GTF3C1: variants seen among roughly 807,000 people sequenced by gnomAD.
GTF3C1 encodes the protein general transcription factor 3C polypeptide 1.
Under a neutral mutation model 226.7 loss-of-function variants are expected in GTF3C1, and 57 were observed. That is an observed-to-expected ratio of 0.25 (90% CI 0.20 to 0.31). GTF3C1 has a LOEUF of 0.31. GTF3C1 is among the 10% of genes least tolerant of loss of function. The pLI, the probability that GTF3C1 is intolerant of heterozygous loss-of-function variation, is 1.00. For synonymous variants in GTF3C1, 1,090 were observed against 1,084.8 expected (o/e 1.00, Z -0.09); for missense variants, 2,217 against 2,776.1 (o/e 0.80, Z 4.53).
Position 27,497,760 on chromosome 16 carries a change from C to T in GTF3C1, c.2227G>A (p.Glu743Lys). Reference protein sequence around the residue: ...GEAEEDSQGKEGPSGSGDSQL... With the variant: ...GEAEEDSQGKKGPSGSGDSQL... ...GAGTCCCCTGATCCACTTGGGCCCT[C>T]TTTTCCTTGACTGTCTTCTTCTGCC... Residue 743 changes from glutamate to lysine, a missense_variant, in exon 14 of 37, where the codon GAG becomes AAG. By Grantham distance (56) the Glu-to-Lys change is moderately conservative. This residue lies in a region of GTF3C1 where 100 missense variants were observed against 139.9 expected (regional missense o/e 0.71). Coordinates refer to ENST00000356183, the MANE Select transcript of GTF3C1 (RefSeq NM_001520.4). The T allele has an allele frequency of 6.2e-7, 1 of 1,614,142 alleles. No individual in the cohort carries two copies. Among genetic ancestry groups the T allele is most frequent in the Non-Finnish European group, 8.5e-7 (1 of 1,179,976 alleles).
intron 2 of GTF3C1, among the ~76,000 whole-genome samples, chr16:27,543,516 A>T (rs1438468683): frequency 6.6e-6 from 1 of 152,186 alleles, no homozygotes; most frequent in Non-Finnish European, 1.5e-5. Context: ...GCAGTCTCCC[A>T]AGTAGCTGGT....
Position 27,469,489 on chromosome 16 carries a change from C to T in GTF3C1, c.4876G>A (p.Val1626Ile). The change falls in exon 32 of 37, where the codon GTA (valine) becomes ATA (isoleucine). Residue 1626 changes from valine to isoleucine, a missense_variant. Val to Ile is a conservative substitution (Grantham distance 29). Around this residue, in one of 12 missense-constraint regions of GTF3C1, gnomAD observed 546 missense variants for 663.0 expected, o/e 0.82. Coordinates refer to ENST00000356183, the MANE Select transcript of GTF3C1 (RefSeq NM_001520.4). The surrounding 1 kb of genome is among the most constrained non-coding windows in gnomAD (Gnocchi z 4.5). The part of the protein sequence containing the change: ...EDEEDDLDEG[V>I]GGKRRSMEVK... ...TCCATGCTCCGGCGCTTGCCCCCTACACCTTCGTCCAAGTCATCCTCTTCA... is the reference window on the plus strand; with the variant it reads ...TCCATGCTCCGGCGCTTGCCCCCTATACCTTCGTCCAAGTCATCCTCTTCA... The T allele has an allele frequency of 6.2e-7, 1 of 1,614,194 alleles. No homozygotes were observed. The highest frequency in any genetic ancestry group is 8.5e-7 in the Non-Finnish European group (1 of 1,180,008).
intron 20 of GTF3C1, 90 bp from the exon 21 acceptor site, chr16:27,489,268 T>A (rs113968158): frequency 7.0e-7 from 1 of 1,437,206 alleles, no homozygotes; most frequent in East Asian, 2.3e-5. Context: ...CATTTATTTA[T>A]AACCAACTTT....
intron 6 of GTF3C1, among the ~76,000 whole-genome samples, chr16:27,521,134 G>A (rs1408138773): frequency 1.3e-5 from 2 of 152,238 alleles, no homozygotes; most frequent in Admixed American, 1.3e-4. Flanking sequence ...TATTTAAGGA[G>A]GCCACATCCG....
chr16:27,523,701 G>T (rs930825438), intron 6 of GTF3C1, among the ~76,000 whole-genome samples: 1 of 152,104 alleles, frequency 6.6e-6, no homozygotes, highest in African/African-American at 2.4e-5. Flanking sequence ...TAAAGCGTGT[G>T]GTCACCACCC....
At chr16:27,548,797 G>C (rs999485911) in intron 1 of GTF3C1, among the ~76,000 whole-genome samples, 2 of 152,114 alleles carry the variant, frequency 1.3e-5, no homozygotes, top group Non-Finnish European at 2.9e-5. Context: ...CCTGTTTAAC[G>C]GAGTTTAATC....
At chr16:27,493,143 G>C (rs941069117) in intron 17 of GTF3C1, 56 bp downstream of exon 17, 5 of 910,046 alleles carry the variant, frequency 5.5e-6, no homozygotes, top group Non-Finnish European at 9.3e-6. Context: ...TTAGAGCCCT[G>C]ACTTAAGGGT....
chr16:27,469,164 T>C lies in GTF3C1; in HGVS notation c.5074+127A>G, dbSNP rs1196119498. On this transcript the variant is annotated intron_variant, in intron 32 of 36. Transcript: ENST00000356183. The surrounding 1 kb of genome is among the most constrained non-coding windows in gnomAD (Gnocchi z 4.5). ...TGGCTGCAAGGATGGGGTGTGTTTTTCTGTGTGTTCTGTGGCTGCACGCCT... is the reference window on the plus strand; with the variant it reads ...TGGCTGCAAGGATGGGGTGTGTTTTCCTGTGTGTTCTGTGGCTGCACGCCT... 11 of 964,450 alleles carry C rather than the reference T, an allele frequency of 1.1e-5. No individual in the cohort carries two copies. The highest frequency in any genetic ancestry group is 1.7e-5 in the Non-Finnish European group (11 of 666,240). The allele number at this position is 964,450 out of a possible 1,614,324, so 59.7% of individuals were successfully genotyped here. A position where few individuals can be genotyped will look rare whatever the true frequency, so the allele number is the denominator to read the frequency against.
intron 14 of GTF3C1, among the ~76,000 whole-genome samples, chr16:27,496,187 G>A (rs2088314030): frequency 6.6e-6 from 1 of 152,146 alleles, no homozygotes; most frequent in Non-Finnish European, 1.5e-5. Context: ...ATGGCTGGAA[G>A]CTTCCTGAGG....
At chr16:27,543,106 C>A (rs1161079894) in intron 2 of GTF3C1, among the ~76,000 whole-genome samples, 1 of 152,162 alleles carries the variant, frequency 6.6e-6, no homozygotes, top group Admixed American at 6.5e-5. Flanking sequence ...TCTTTCTTGA[C>A]CAGGCATGGT....
rs919662638 is a variant in GTF3C1, at chr16:27,506,000, T to C, written c.1669A>G (p.Ser557Gly). Residue 557 changes from serine (S) to glycine (G), a missense_variant, in exon 10 of 37, where the codon AGC (serine) becomes GGC (glycine). By Grantham distance (56) the Ser-to-Gly change is moderately conservative. Coordinates refer to ENST00000356183, the MANE Select transcript of GTF3C1 (RefSeq NM_001520.4). ...LASRDSLLDTSSVSEPNVSFV... is the reference protein window; with the variant it reads ...LASRDSLLDTGSVSEPNVSFV... Reference sequence around the variant, plus strand: ...GACACGTTGGGTTCTGAGACGCTGCTGGTATCTAAGAGGCTGTCCCTGCTG... The same window carrying C: ...GACACGTTGGGTTCTGAGACGCTGCCGGTATCTAAGAGGCTGTCCCTGCTG... 1 of 1,613,010 alleles carries C rather than the reference T, an allele frequency of 6.2e-7. No individual in the cohort carries two copies. Among genetic ancestry groups the C allele is most frequent in the African/African-American group, 1.3e-5 (1 of 74,914 alleles).
Position 27,528,672 on chromosome 16 carries a change from G to C in GTF3C1, c.899C>G (p.Ala300Gly). 6.2e-7 allele frequency: 1 copy of C among 1,612,846 alleles called. No homozygotes were observed. Among genetic ancestry groups the C allele is most frequent in the Non-Finnish European group, 8.5e-7 (1 of 1,178,816 alleles). The change falls in exon 6 of 37, where the codon GCC becomes GGC. Residue 300 changes from alanine to glycine, a missense_variant. Physicochemically the swap from Ala to Gly is moderately conservative, Grantham distance 60. This residue lies in a region of GTF3C1 where 163 missense variants were observed against 234.3 expected (regional missense o/e 0.70). Transcript: ENST00000356183. ...FKRLYQYMLN[A>G]GLAKVVSLRL... is the part of the protein sequence containing the mutation. ...AAGAGACACCACCTTGGCTAGCCCG[G>C]CGTTCAGCATATACTGGTACAGACG...
intron 6 of GTF3C1, among the ~76,000 whole-genome samples, chr16:27,526,498 A>G (rs1170668203): frequency 6.6e-6 from 1 of 152,250 alleles, no homozygotes; most frequent in Non-Finnish European, 1.5e-5. Flanking sequence ...CTTCTCACAC[A>G]GACCATTAAC....
intron 2 of GTF3C1, among the ~76,000 whole-genome samples, 174 bp from the exon 3 acceptor site, chr16:27,538,530 C>CAAT (rs750878679): frequency 1.6e-4 from 25 of 152,244 alleles, no homozygotes; most frequent in Non-Finnish European, 1.5e-4. Context: ...CTAAAAAAGA[C>CAAT]AATAATAATA....
chr16:27,476,326 G>A (rs2087949492), intron 29 of GTF3C1, 125 bp downstream of exon 29: 1 of 613,856 alleles, frequency 1.6e-6, no homozygotes. Flanking sequence ...AAAGACATGT[G>A]GGCTGGCATT....
chr16:27,462,648 G>C lies in GTF3C1; in HGVS notation c.5925-162C>G. The C allele has an allele frequency of 1.6e-6, 1 of 609,786 alleles. No individual in the cohort carries two copies. The highest frequency in any genetic ancestry group is 2.8e-5 in the East Asian group (1 of 36,184). The allele number at this position is 609,786 out of a possible 1,614,324, so 37.8% of individuals were successfully genotyped here. ...TTTCCAAACTCCCTGCTTCTCTCCT[G>C]TCTGGACAGAGGGGCCCTTGACCGC... On this transcript the variant is annotated intron_variant, in intron 35 of 36. Transcript: ENST00000356183. This position sits in a 1 kb window ranked among gnomAD's most constrained non-coding sequence, Gnocchi z 4.5.
chr16:27,544,967 T>G (rs2089141534), intron 2 of GTF3C1, among the ~76,000 whole-genome samples: 1 of 80,172 alleles, frequency 1.2e-5, no homozygotes, highest in Non-Finnish European at 2.4e-5. Context: ...CAGGAATTTC[T>G]TTTTTCCTTT....
intron 2 of GTF3C1, among the ~76,000 whole-genome samples, chr16:27,540,991 C>T (rs1311483493): frequency 6.6e-6 from 1 of 152,166 alleles, no homozygotes; most frequent in African/African-American, 2.4e-5. Flanking sequence ...CAGACACTTG[C>T]CACCATGCCA....
intron 22 of GTF3C1, 51 bp downstream of exon 22, chr16:27,488,503 C>T: frequency 1.3e-6 from 2 of 1,563,412 alleles, no homozygotes; most frequent in African/African-American, 2.7e-5. Context: ...GTCGTTTAGG[C>T]CCTGAACTGG....
Sources: allele counts gnomAD v4.1 joint callset (sites outside exome capture counted in the v4.1 genomes callset), GRCh38; gene constraint gnomAD v4.1.1; regional missense constraint gnomAD v4.1.1; non-coding constraint Gnocchi (gnomAD v3.1); transcripts MANE v1.5; gene names NCBI Gene and HGNC (gene_info 2026-07-23, HGNC 2026-07-21).